Variants in ENPP6 observed in about 807,000 individuals in gnomAD.
ENPP6 encodes the protein ectonucleotide pyrophosphatase/phosphodiesterase 6, also known as glycerophosphocholine cholinephosphodiesterase ENPP6.
In ENPP6, 32 loss-of-function variants were observed where a neutral mutation model predicts 42.0. The observed-to-expected ratio is 0.76, with a 90% CI of 0.58 to 1.02. ENPP6 has a LOEUF of 1.02. Ranked by LOEUF, ENPP6 falls within the 50% of genes least tolerant of loss-of-function variation. The probability of loss-of-function intolerance (pLI) is 0.00; values close to 1 mark genes in which losing one functional copy is unlikely to be tolerated. For synonymous variants in ENPP6, 213 were observed against 216.0 expected (o/e 0.99, Z 0.12); for missense variants, 552 against 566.8 (o/e 0.97, Z 0.27).
chr4:184,147,076 G>A (rs1736939778), intron 2 of ENPP6, among the ~76,000 whole-genome samples: 1 of 152,094 alleles, frequency 6.6e-6, no homozygotes, highest in Admixed American at 6.5e-5. Flanking sequence ...AGCCAACTCC[G>A]AATTGATGTC....
chr4:184,112,484 C>A (rs563631969), intron 6 of ENPP6, 188 bp downstream of exon 6: 2 of 674,132 alleles, frequency 3.0e-6, no homozygotes, highest in Non-Finnish European at 4.7e-6. Context: ...TCTGGGTTCG[C>A]GTCTACAGTT....
intron 2 of ENPP6, among the ~76,000 whole-genome samples, chr4:184,127,520 G>T (rs937586072): frequency 1.3e-5 from 2 of 152,176 alleles, no homozygotes; most frequent in African/African-American, 2.4e-5. Flanking sequence ...GGTGGGTCAG[G>T]CTGAATAAAA....
At chr4:184,120,128 A>C (rs1264582837) in intron 3 of ENPP6, among the ~76,000 whole-genome samples, 1 of 152,146 alleles carries the variant, frequency 6.6e-6, no homozygotes, top group Non-Finnish European at 1.5e-5. Context: ...AGGTGGCCCT[A>C]GATCGCTTTT....
In ENPP6 at chr4:184,212,881, C is replaced by T. The variant is rs557109824; in HGVS notation, c.241+4698G>A. Reference sequence around the variant, plus strand: ...AACCAAAACAGCATGGTACTGGTACCAAAACAGAGATATCGATCAATGGAA... The same window carrying T: ...AACCAAAACAGCATGGTACTGGTACTAAAACAGAGATATCGATCAATGGAA... On this transcript the variant is annotated intron_variant, in intron 1 of 7. Transcript: ENST00000296741. 6.2e-3 allele frequency among the ~76,000 whole-genome samples: 936 copies of T among 151,522 alleles called. 11 individuals carry two copies. Among genetic ancestry groups the T allele is most frequent in the African/African-American group, 0.021 (877 of 40,840 alleles).
chr4:184,111,888 C>T (rs1054256203), intron 6 of ENPP6, among the ~76,000 whole-genome samples: 44 of 152,242 alleles, frequency 2.9e-4, no homozygotes, highest in African/African-American at 1.0e-3. Context: ...AGGTCTTACA[C>T]TTGGTTGGCC....
intron 6 of ENPP6, among the ~76,000 whole-genome samples, chr4:184,107,465 T>C (rs1430690122): frequency 2.0e-5 from 3 of 152,144 alleles, no homozygotes; most frequent in African/African-American, 4.8e-5. Flanking sequence ...AGAGGCAAAC[T>C]GGGGGCCCTT....
In ENPP6 at chr4:184,184,377, A is replaced by G. The variant is rs1732599060; in HGVS notation, c.242-30644T>C. The stretch of plus-strand genomic sequence containing the variant: ...TTAAGAATCAAATAGATTTTTGGAT[A>G]TTAAGAATATAATAATGTTAAAACT... On this transcript the variant is annotated intron_variant, in intron 1 of 7. Coordinates refer to ENST00000296741, the MANE Select transcript of ENPP6 (RefSeq NM_153343.4). The surrounding 1 kb of genome is among the most constrained non-coding windows in gnomAD (Gnocchi z 4.7). Among the ~76,000 whole-genome samples the G allele has an allele frequency of 6.6e-6, 1 of 152,258 alleles. No individual in the cohort carries two copies. Among genetic ancestry groups the G allele is most frequent in the Non-Finnish European group, 1.5e-5 (1 of 68,036 alleles).
intron 2 of ENPP6, among the ~76,000 whole-genome samples, chr4:184,141,429 T>A (rs1051667355): frequency 1.3e-5 from 2 of 152,218 alleles, no homozygotes; most frequent in South Asian, 4.1e-4. Context: ...CAGGGATCTG[T>A]GGGGAAGGCG....
intron 7 of ENPP6, 112 bp downstream of exon 7, chr4:184,097,133 T>C: frequency 6.7e-7 from 1 of 1,502,328 alleles, no homozygotes; most frequent in Non-Finnish European, 9.0e-7. Context: ...GCTTGGCTCA[T>C]AAAGAGGGTC....
At position 184,217,777 on chromosome 4, in the gene ENPP6, C is replaced by T. The variant is rs373659453; in HGVS notation, c.43G>A (p.Gly15Ser). 9.9e-6 allele frequency: 16 copies of T among 1,613,818 alleles called. No homozygotes were observed. In the African/African-American group the frequency reaches 1.7e-4, roughly 18 times the overall value. ...LGTLLLALAL[G>S]LAQPASARRK... ...CGGGCAGAGGCTGGCTGGGCCAGGC[C>T]CAGGGCAAGGGCCAGCAGGAGGGTC... Residue 15 changes from glycine (G) to serine (S), a missense_variant, in exon 1 of 8, where the codon GGC (glycine) becomes AGC (serine). By Grantham distance (56) the Gly-to-Ser change is moderately conservative. Around this residue, in one of 2 missense-constraint regions of ENPP6, gnomAD observed 7 missense variants for 20.6 expected, o/e 0.34. Coordinates refer to ENST00000296741, the MANE Select transcript of ENPP6 (RefSeq NM_153343.4).
chr4:184,174,930 C>G (rs1427818467), intron 1 of ENPP6, among the ~76,000 whole-genome samples: 2 of 152,246 alleles, frequency 1.3e-5, no homozygotes, highest in Non-Finnish European at 2.9e-5. Context: ...CTTGTTTTCA[C>G]TCTGCAACAG....
At chr4:184,128,072 T>C (rs893238785) in intron 2 of ENPP6, among the ~76,000 whole-genome samples, 8 of 152,122 alleles carry the variant, frequency 5.3e-5, no homozygotes, top group Non-Finnish European at 1.2e-4. Flanking sequence ...TGATCAAATA[T>C]CAAAGTACAT....
chr4:184,101,957 C>T (rs924206150), intron 6 of ENPP6, among the ~76,000 whole-genome samples: 50 of 152,306 alleles, frequency 3.3e-4, no homozygotes, highest in Non-Finnish European at 1.2e-4. Context: ...GCTTTCCTGC[C>T]GGTGCCTGCA....
At chr4:184,108,003 T>A (rs1345938372) in intron 6 of ENPP6, among the ~76,000 whole-genome samples, 1 of 152,200 alleles carries the variant, frequency 6.6e-6, no homozygotes, top group East Asian at 1.9e-4. Context: ...ATAAACTCAA[T>A]TAAGTCTTCC....
chr4:184,169,336 G>A (rs1355585974), intron 1 of ENPP6, among the ~76,000 whole-genome samples: 3 of 151,694 alleles, frequency 2.0e-5, no homozygotes, highest in East Asian at 3.9e-4. Flanking sequence ...CTCGGTGGCC[G>A]AGCTGGGAAG....
Position 184,199,942 on chromosome 4 carries a change from G to T in ENPP6, c.241+17637C>A, listed in dbSNP as rs181825684. The stretch of plus-strand genomic sequence containing the variant: ...ACACATCCCTGATATCATAATTTGT[G>T]CTCCTAATGTCTCAAAATGGAGTCA... On this transcript the variant is annotated intron_variant, in intron 1 of 7. Coordinates refer to ENST00000296741, the MANE Select transcript of ENPP6 (RefSeq NM_153343.4). Among the ~76,000 whole-genome samples the T allele has an allele frequency of 1.7e-3, 265 of 152,234 alleles. 2 individuals carry two copies. Among genetic ancestry groups the T allele is most frequent in the Non-Finnish European group, 1.2e-3 (85 of 68,026 alleles).
chr4:184,199,950 T>C (rs1049042342), intron 1 of ENPP6, among the ~76,000 whole-genome samples: 6 of 152,172 alleles, frequency 3.9e-5, no homozygotes, highest in African/African-American at 7.2e-5. Context: ...GTGCTCCTAA[T>C]GTCTCAAAAT....
chr4:184,215,915 T>C lies in ENPP6; in HGVS notation c.241+1664A>G, dbSNP rs531994249. On this transcript the variant is annotated intron_variant, in intron 1 of 7. Coordinates refer to ENST00000296741, the MANE Select transcript of ENPP6 (RefSeq NM_153343.4). ...CATGACGGAGGCTGTGTGCAAATTATTCCTTGTGCCAATATCAGGAGTGTG... is the reference window on the plus strand; with the variant it reads ...CATGACGGAGGCTGTGTGCAAATTACTCCTTGTGCCAATATCAGGAGTGTG... Among the ~76,000 whole-genome samples the C allele has an allele frequency of 7.2e-4, 110 of 152,260 alleles. 1 individual carries two copies. The highest frequency in any genetic ancestry group is 2.5e-3 in the African/African-American group (103 of 41,552).
intron 1 of ENPP6, among the ~76,000 whole-genome samples, chr4:184,167,199 T>A (rs1291749159): frequency 6.6e-6 from 1 of 152,202 alleles, no homozygotes; most frequent in Admixed American, 6.5e-5. Context: ...CACTGCAACC[T>A]CCTTCTCCTG....
Sources: allele counts gnomAD v4.1 joint callset (sites outside exome capture counted in the v4.1 genomes callset), GRCh38; gene constraint gnomAD v4.1.1; regional missense constraint gnomAD v4.1.1; non-coding constraint Gnocchi (gnomAD v3.1); transcripts MANE v1.5; gene names NCBI Gene and HGNC (gene_info 2026-07-23, HGNC 2026-07-21).